Variants in ANK3 observed in about 807,000 individuals in gnomAD.
ANK3 encodes ankyrin 3.
ANK3 carries 57 observed loss-of-function variants against 370.9 expected under a neutral mutation model. The observed-to-expected ratio is 0.15, with a 90% confidence interval of 0.12 to 0.19. The LOEUF (loss-of-function observed/expected upper bound fraction) is 0.19, where lower values mean the gene tolerates loss of function less well. ANK3 is among the 10% of genes least tolerant of loss of function. The probability of loss-of-function intolerance (pLI) is 1.00; values close to 1 mark genes in which losing one functional copy is unlikely to be tolerated. For synonymous variants in ANK3, 1,929 were observed against 1,946.3 expected (o/e 0.99, Z 0.23); for missense variants, 4,439 against 5,302.1 (o/e 0.84, Z 5.06).
At chr10:60,329,431 A>G (rs2050679707) in intron 1 of ANK3, among the ~76,000 whole-genome samples, 2 of 152,242 alleles carry the variant, frequency 1.3e-5, no homozygotes. Flanking sequence ...CAACTTTAGC[A>G]AAGTCCCAGG....
At chr10:60,260,195 C>G (rs952044012) in intron 7 of ANK3, among the ~76,000 whole-genome samples, 3 of 152,148 alleles carry the variant, frequency 2.0e-5, no homozygotes, top group African/African-American at 7.2e-5. Flanking sequence ...GGGCTGAAAT[C>G]CTGCCTCTTC....
chr10:60,475,279 G>A (rs2075032556), intron 2 of ANK3, among the ~76,000 whole-genome samples: 1 of 148,570 alleles, frequency 6.7e-6, no homozygotes, highest in African/African-American at 2.4e-5. Context: ...AAAAATACAC[G>A]TCAACTATGA....
chr10:60,372,315 T>G (rs1401454537), intron 1 of ANK3, among the ~76,000 whole-genome samples: 1 of 152,206 alleles, frequency 6.6e-6, no homozygotes, highest in Non-Finnish European at 1.5e-5. Flanking sequence ...ATCAATATAT[T>G]ATGATCTAGA....
intron 28 of ANK3, among the ~76,000 whole-genome samples, chr10:60,103,957 G>A (rs1303285565): frequency 6.6e-6 from 1 of 152,132 alleles, no homozygotes; most frequent in Non-Finnish European, 1.5e-5. Context: ...GGAGCTGGAG[G>A]CCATTATCCT....
At chr10:60,179,942 T>C (rs2096103611) in intron 18 of ANK3, among the ~76,000 whole-genome samples, 1 of 152,166 alleles carries the variant, frequency 6.6e-6, no homozygotes, top group Non-Finnish European at 1.5e-5. Context: ...GACCTTGCCT[T>C]CTAGAGTTTT....
intron 1 of ANK3, among the ~76,000 whole-genome samples, chr10:60,655,854 C>T (rs957701051): frequency 2.0e-5 from 3 of 152,106 alleles, no homozygotes; most frequent in Non-Finnish European, 4.4e-5. Flanking sequence ...CATATTTTAC[C>T]GTATCTTTTC....
At chr10:60,456,076 A>T (rs2064739648) in intron 2 of ANK3, among the ~76,000 whole-genome samples, 1 of 152,224 alleles carries the variant, frequency 6.6e-6, no homozygotes, top group Non-Finnish European at 1.5e-5. Flanking sequence ...CATGTGACAG[A>T]ATTTGGAGGT....
At chr10:60,051,027 T>G (rs1194812744) in intron 42 of ANK3, among the ~76,000 whole-genome samples, 1 of 152,172 alleles carries the variant, frequency 6.6e-6, no homozygotes, top group Non-Finnish European at 1.5e-5. Context: ...TAAAAATTCT[T>G]AAGGCAGTAG....
chr10:60,033,631 T>C (rs969816091), intron 43 of ANK3, among the ~76,000 whole-genome samples: 3 of 151,860 alleles, frequency 2.0e-5, no homozygotes, highest in African/African-American at 7.3e-5. Context: ...GTCAGCAGCA[T>C]GCTCTGGTAC....
In ANK3 at chr10:60,447,475, G is replaced by A. The variant is rs12245584; in HGVS notation, c.96+167711C>T. On this transcript the variant is annotated intron_variant, in intron 2 of 43. Transcript: ENST00000373827. ...GTTTGTTTTCTGGTTAAAAGGAGGG[G>A]GTCCGTGCTACTCCAGTAGTAAAAG... Among the ~76,000 whole-genome samples the A allele has an allele frequency of 9.8e-3, 1,482 of 151,932 alleles. 27 individuals are homozygous for A. Among genetic ancestry groups the A allele is most frequent in the African/African-American group, 0.033 (1,365 of 41,388 alleles).
rs1382119712 is a variant in ANK3 at position 60,684,388 on chromosome 10, GA to G, written c.57+48874del. ...CTCCCCAGCGGCTGAGAGAGACGTT[GA>G]GTGAAGGGGAGGGAAGGATGGTTAG... On this transcript the variant is annotated intron_variant, in intron 1 of 43. Transcript: ENST00000373827. 5 of 573,110 alleles carry G rather than the reference GA, an allele frequency of 8.7e-6. No individual in the cohort carries two copies. In the African/African-American group the frequency reaches 9.6e-5, roughly 11 times the overall value. 35.5% of individuals were successfully genotyped at this position (573,110 alleles called of 1,614,324 possible).
chr10:60,359,344 T>TC (rs985273907), intron 1 of ANK3, among the ~76,000 whole-genome samples: 1 of 152,202 alleles, frequency 6.6e-6, no homozygotes, highest in African/African-American at 2.4e-5. Flanking sequence ...AGCATATGCC[T>TC]CACACCTTGG....
At chr10:60,540,744 C>A (rs2076828324) in intron 2 of ANK3, among the ~76,000 whole-genome samples, 1 of 152,022 alleles carries the variant, frequency 6.6e-6, no homozygotes, top group African/African-American at 2.4e-5. Flanking sequence ...GAATGTGGAG[C>A]TGATGAGACC....
At chr10:60,455,768 C>T (rs1191169099) in intron 2 of ANK3, among the ~76,000 whole-genome samples, 1 of 152,130 alleles carries the variant, frequency 6.6e-6, no homozygotes, top group Non-Finnish European at 1.5e-5. Context: ...CCATTTTTGG[C>T]CCTTATCAGC....
At chr10:60,382,160 C>A (rs1451622472) in intron 1 of ANK3, among the ~76,000 whole-genome samples, 1 of 152,166 alleles carries the variant, frequency 6.6e-6, no homozygotes, top group Non-Finnish European at 1.5e-5. Flanking sequence ...GTGTCTCTGA[C>A]TTTCAGTACC....
At chr10:60,433,817 T>C (rs914981467) in intron 2 of ANK3, among the ~76,000 whole-genome samples, 1 of 152,176 alleles carries the variant, frequency 6.6e-6, no homozygotes, top group African/African-American at 2.4e-5. Flanking sequence ...ATTTCCAAAT[T>C]CTGAGTACAT....
chr10:60,148,997 T>C (rs1176625404), intron 23 of ANK3, among the ~76,000 whole-genome samples: 3 of 152,360 alleles, frequency 2.0e-5, no homozygotes, highest in African/African-American at 7.2e-5. Context: ...AACACGTTAA[T>C]CACTGTTCCC....
intron 1 of ANK3, among the ~76,000 whole-genome samples, chr10:60,690,114 G>A (rs758878631): frequency 1.7e-4 from 26 of 152,260 alleles, no homozygotes; most frequent in African/African-American, 4.1e-4. Flanking sequence ...TCTGAGGATC[G>A]TTCCAAGATG....
At position 60,082,169 on chromosome 10, in the gene ANK3, T is replaced by C. The variant is rs2085440592; in HGVS notation, c.4331A>G (p.Glu1444Gly). ...TATTACCTCATCATCTTGATCTGAC[T>C]CTGTCTCCTTTTGGTTCCAAGATGC... ...ITLPAHKKETESDQDDEIEKT... is the reference protein window; with the variant it reads ...ITLPAHKKETGSDQDDEIEKT... The change falls in exon 35 of 44, where the codon GAG becomes GGG. Residue 1444 changes from glutamate (E) to glycine (G), a missense_variant. Physicochemically the swap from Glu to Gly is moderately conservative, Grantham distance 98. This residue lies in a region of ANK3 where 702 missense variants were observed against 941.5 expected (regional missense o/e 0.75). Coordinates refer to ENST00000280772, the MANE Select transcript of ANK3 (RefSeq NM_020987.5). 1 of 1,610,316 alleles carries C rather than the reference T, an allele frequency of 6.2e-7. No individual in the cohort carries two copies. Among genetic ancestry groups the C allele is most frequent in the South Asian group, 1.1e-5 (1 of 90,788 alleles).
Sources: gnomAD v4.1 joint callset for allele counts (sites outside exome capture counted in the v4.1 genomes callset) on GRCh38, gnomAD v4.1.1 for gene constraint, gnomAD v4.1.1 regional missense constraint, MANE v1.5 for transcripts, NCBI Gene and HGNC (gene_info 2026-07-23, HGNC 2026-07-21) for gene names.